The following CAGE1 variants were observed in gnomAD, a reference collection of about 807,000 sequenced individuals.
CAGE1 encodes cancer antigen 1, also known as cancer-associated gene 1 protein.
In CAGE1, 66 loss-of-function variants were observed where a neutral mutation model predicts 94.9. That is an observed-to-expected ratio of 0.70 (90% CI 0.57 to 0.85). The LOEUF is 0.85. Ranked by LOEUF, CAGE1 falls within the 40% of genes least tolerant of loss-of-function variation. CAGE1 has a pLI of 0.00. For missense variants in CAGE1, 865 were observed against 950.4 expected (o/e 0.91, Z 1.18); for synonymous variants, 319 against 321.0 (o/e 0.99, Z 0.07).
At chr6:7,357,249 A>G (rs1336420771) in intron 9 of CAGE1, among the ~76,000 whole-genome samples, 1 of 152,222 alleles carries the variant, frequency 6.6e-6, no homozygotes, top group East Asian at 1.9e-4. Flanking sequence ...TTCTCTAACA[A>G]CATATATTAT....
chr6:7,389,131 G>C, intron 1 of CAGE1, 71 bp downstream of exon 1: 1 of 385,448 alleles, frequency 2.6e-6, no homozygotes, highest in East Asian at 7.2e-5. Flanking sequence ...GTTAAAAGAG[G>C]TGTCACGGGA....
At chr6:7,337,326 A>G (rs937820355) in intron 11 of CAGE1, among the ~76,000 whole-genome samples, 7 of 58,280 alleles carry the variant, frequency 1.2e-4, no homozygotes, top group African/African-American at 2.8e-4. Flanking sequence ...GACTGTCTCG[A>G]AAAAAAAAAA....
rs1183003037 is a variant in CAGE1, at chr6:7,329,990, C to T, written c.2439-102G>A. The T allele has an allele frequency of 5.0e-6, 3 of 605,976 alleles. No individual in the cohort carries two copies. In the Admixed American group the frequency reaches 8.7e-5, roughly 18 times the overall value. 37.5% of individuals were successfully genotyped at this position (605,976 alleles called of 1,614,324 possible). On this transcript the variant is annotated intron_variant, in intron 12 of 13. Coordinates refer to ENST00000502583, the MANE Select transcript of CAGE1 (RefSeq NM_001170692.2). ...CATTATTTAGCATATTTTCCCCTCA[C>T]TTTCAAGGAGAAATCGTCATTTAAG... is the stretch of plus-strand genomic sequence containing the variant.
chr6:7,344,937 G>A (rs1216095414), intron 11 of CAGE1, among the ~76,000 whole-genome samples: 1 of 152,174 alleles, frequency 6.6e-6, no homozygotes, highest in Non-Finnish European at 1.5e-5. Flanking sequence ...CTCAGGGATT[G>A]TAAACGCACC....
chr6:7,344,844 T>C (rs1346139765), intron 11 of CAGE1, among the ~76,000 whole-genome samples: 1 of 152,174 alleles, frequency 6.6e-6, no homozygotes, highest in Non-Finnish European at 1.5e-5. Flanking sequence ...ATCTAGCTAT[T>C]CTGGTGGGGC....
Position 7,389,229 on chromosome 6 carries a change from T to C in CAGE1, c.-51A>G. ...TTTTAAAAAGCACTTATCTCATTCA[T>C]TTTTCACCTCAAAACGAGACACCAA... On this transcript the variant is annotated 5_prime_UTR_variant, in exon 1 of 14. The change abolishes an upstream ATG in the 5' untranslated region. Coordinates refer to ENST00000502583, the MANE Select transcript of CAGE1 (RefSeq NM_001170692.2). 2 of 456,126 alleles carry C rather than the reference T, an allele frequency of 4.4e-6. No homozygotes were observed. Among genetic ancestry groups the C allele is most frequent in the South Asian group, 1.5e-5 (1 of 64,556 alleles). The allele number at this position is 456,126 out of a possible 1,614,324, so 28.3% of individuals were successfully genotyped here.
In CAGE1 at chr6:7,389,510, G is replaced by A; in HGVS notation, c.-332C>T. 1 of 360,420 alleles carries A rather than the reference G, an allele frequency of 2.8e-6. No individual in the cohort carries two copies. The highest frequency in any genetic ancestry group is 2.0e-5 in the South Asian group (1 of 49,318). 22.3% of individuals were successfully genotyped at this position (360,420 alleles called of 1,614,324 possible). A position where few individuals can be genotyped will look rare whatever the true frequency, so the allele number is the denominator to read the frequency against. ...CGCGAGGCCCGAGCGACCCTACTGT[G>A]GGTGCGGTGTCTTCCCAGAGAGTGG... On this transcript the variant is annotated 5_prime_UTR_variant, in exon 1 of 14. Coordinates refer to ENST00000502583, the MANE Select transcript of CAGE1 (RefSeq NM_001170692.2).
In CAGE1 at chr6:7,378,798, G is replaced by A. The variant is rs10223538; in HGVS notation, c.506C>T (p.Thr169Ile). Reference sequence around the variant, plus strand: ...TTGGTCTGTATTTGCAGAAACACTAGTTTCCATTGGATTTTCTTCCTTAAA... The same window carrying A: ...TTGGTCTGTATTTGCAGAAACACTAATTTCCATTGGATTTTCTTCCTTAAA... ...DSFKEENPME[T>I]SVSANTDQLG... is the part of the protein sequence containing the mutation. Residue 169 changes from threonine (T) to isoleucine (I), a missense_variant, in exon 4 of 14, where the codon ACT becomes ATT. Thr to Ile is a moderately conservative substitution (Grantham distance 89, BLOSUM62 -1). Coordinates refer to ENST00000502583, the MANE Select transcript of CAGE1 (RefSeq NM_001170692.2). 7.1e-3 allele frequency: 11,522 copies of A among 1,613,726 alleles called. 667 individuals carry two copies. The African/African-American group carries it at 0.13, about 18-fold the overall frequency.
intron 11 of CAGE1, among the ~76,000 whole-genome samples, chr6:7,334,652 G>A (rs1271072132): frequency 2.0e-5 from 3 of 150,112 alleles, no homozygotes; most frequent in South Asian, 2.1e-4. Context: ...TGCTTGAGCC[G>A]AGGAGGTGGA....
intron 11 of CAGE1, among the ~76,000 whole-genome samples, chr6:7,336,320 A>G (rs926547621): frequency 6.6e-6 from 1 of 152,170 alleles, no homozygotes; most frequent in Non-Finnish European, 1.5e-5. Context: ...CTGCACTCCC[A>G]TGTGTAGAGC....
intron 11 of CAGE1, among the ~76,000 whole-genome samples, chr6:7,342,264 T>C (rs1759209690): frequency 6.6e-6 from 1 of 152,130 alleles, no homozygotes; most frequent in African/African-American, 2.4e-5. Context: ...CCCCAGACTA[T>C]AGGAGCTGGA....
At chr6:7,364,148 A>G (rs910573390) in intron 9 of CAGE1, among the ~76,000 whole-genome samples, 1 of 152,146 alleles carries the variant, frequency 6.6e-6, no homozygotes, top group Admixed American at 6.5e-5. Context: ...TGGACAACAG[A>G]ATGTATTGAG....
At chr6:7,372,050 A>G (rs150715192) in intron 5 of CAGE1, among the ~76,000 whole-genome samples, 189 of 152,310 alleles carry the variant, frequency 1.2e-3, no homozygotes, top group African/African-American at 4.3e-3. Flanking sequence ...TATGGTTCTG[A>G]TGCTGTTCTT....
chr6:7,385,021 T>C (rs923726120), intron 3 of CAGE1, among the ~76,000 whole-genome samples: 2 of 151,716 alleles, frequency 1.3e-5, no homozygotes, highest in Non-Finnish European at 2.9e-5. Context: ...TTGGTTTTTT[T>C]TGAGATGGAG....
intron 5 of CAGE1, among the ~76,000 whole-genome samples, chr6:7,371,511 G>A (rs949944972): frequency 6.6e-6 from 1 of 152,078 alleles, no homozygotes; most frequent in Non-Finnish European, 1.5e-5. Flanking sequence ...AGCCAGGTGC[G>A]GTGGCTCACG....
At chr6:7,375,537 G>A (rs912536361) in intron 4 of CAGE1, among the ~76,000 whole-genome samples, 26 of 152,186 alleles carry the variant, frequency 1.7e-4, no homozygotes, top group African/African-American at 6.0e-4. Context: ...AGGAGTTGGA[G>A]ACCAGTTTGG....
Position 7,339,196 on chromosome 6 carries a change from A to G in CAGE1, c.2370-5106T>C. On this transcript the variant is annotated intron_variant, in intron 11 of 13. Transcript: ENST00000502583. This position sits in a 1 kb window ranked among gnomAD's most constrained non-coding sequence, Gnocchi z 4.7. ...CCTTTGGCCCCAGTTTCCATGATGA[A>G]CCGCGACACACCATAGCAGGCCCTC... The G allele has an allele frequency of 5.9e-6, 9 of 1,518,338 alleles. No individual in the cohort carries two copies. The South Asian group carries it at 9.0e-5, about 15-fold the overall frequency. 94.1% of individuals were successfully genotyped at this position (1,518,338 alleles called of 1,614,324 possible).
At chr6:7,355,396 A>G (rs959996781) in intron 10 of CAGE1, among the ~76,000 whole-genome samples, 1 of 152,228 alleles carries the variant, frequency 6.6e-6, no homozygotes, top group Non-Finnish European at 1.5e-5. Flanking sequence ...ACTAGGGATT[A>G]GAGTTCATTT....
At chr6:7,343,731 A>G (rs2117589) in intron 11 of CAGE1, among the ~76,000 whole-genome samples, 85,641 of 152,032 alleles carry the variant, frequency 0.56, 26,686 homozygotes, top group African/African-American at 0.84. Flanking sequence ...GGGATCATAT[A>G]ATGGGTAGGA....
Sources: gnomAD v4.1 joint callset for allele counts (sites outside exome capture counted in the v4.1 genomes callset) on GRCh38, gnomAD v4.1.1 for gene constraint, Gnocchi (gnomAD v3.1) non-coding constraint, MANE v1.5 for transcripts, NCBI Gene and HGNC (gene_info 2026-07-23, HGNC 2026-07-21) for gene names.